RAB27B: variants seen among roughly 807,000 people sequenced by gnomAD.
RAB27B encodes the protein ras-related protein Rab-27B.
A neutral mutation model predicts 24.6 loss-of-function variants in RAB27B; 15 were observed. The ratio of observed to expected loss-of-function variants is 0.61; its 90% CI spans 0.41 to 0.94. RAB27B has a LOEUF of 0.94. RAB27B is among the 40% of genes least tolerant of loss of function. The pLI is 0.00. For missense variants in RAB27B, 261 were observed against 266.8 expected (o/e 0.98, Z 0.15); for synonymous variants, 105 against 92.5 (o/e 1.14, Z -0.78).
chr18:54,738,407 T>C (rs1909967448), intron 2 of RAB27B, among the ~76,000 whole-genome samples: 1 of 152,110 alleles, frequency 6.6e-6, no homozygotes, highest in African/African-American at 2.4e-5. Context: ...CCCATGCTGT[T>C]CTCGTGATAG....
chr18:54,754,019 C>T (rs1811371392), intron 2 of RAB27B, among the ~76,000 whole-genome samples: 1 of 152,052 alleles, frequency 6.6e-6, no homozygotes, highest in Non-Finnish European at 1.5e-5. Flanking sequence ...TGAATGTGTA[C>T]CCTTGTTTAA....
chr18:54,806,585 A>G (rs1909797725), intron 2 of RAB27B, among the ~76,000 whole-genome samples: 1 of 149,182 alleles, frequency 6.7e-6, no homozygotes, highest in African/African-American at 2.4e-5. Flanking sequence ...ATATAATCAC[A>G]TAAATATAAG....
At chr18:54,719,509 T>C (rs1279657701) in intron 2 of RAB27B, among the ~76,000 whole-genome samples, 1 of 152,072 alleles carries the variant, frequency 6.6e-6, no homozygotes, top group Non-Finnish European at 1.5e-5. Flanking sequence ...CTGTAGCAAA[T>C]GAAAATAAAT....
intron 2 of RAB27B, among the ~76,000 whole-genome samples, chr18:54,757,076 A>G (rs992793827): frequency 2.6e-5 from 4 of 152,310 alleles, no homozygotes; most frequent in African/African-American, 7.2e-5. Flanking sequence ...GTTGCTGGTC[A>G]ATGAGAGATG....
intron 2 of RAB27B, among the ~76,000 whole-genome samples, chr18:54,812,537 A>G (rs1398269250): frequency 7.0e-6 from 1 of 143,654 alleles, no homozygotes; most frequent in Non-Finnish European, 1.5e-5. Context: ...AAGTCTGACC[A>G]TGGAACTCCT....
intron 2 of RAB27B, among the ~76,000 whole-genome samples, chr18:54,738,240 T>C (rs80196414): frequency 0.012 from 1,769 of 152,274 alleles, 18 homozygotes; most frequent in Non-Finnish European, 0.018. Context: ...TAAGAATAAC[T>C]GGAAAAGAGG....
intron 3 of RAB27B, among the ~76,000 whole-genome samples, chr18:54,881,720 G>T (rs114403599): frequency 5.3e-5 from 8 of 152,136 alleles, no homozygotes; most frequent in Admixed American, 2.0e-4. Context: ...TTGTCTCCCC[G>T]TGGGGGAAAT....
intron 2 of RAB27B, among the ~76,000 whole-genome samples, chr18:54,745,854 A>AT (rs1910226727): frequency 6.8e-6 from 1 of 146,594 alleles, no homozygotes; most frequent in Admixed American, 6.8e-5. Context: ...TATTATTTAT[A>AT]ATATTTAATA....
intron 2 of RAB27B, among the ~76,000 whole-genome samples, chr18:54,759,539 G>A (rs571049607): frequency 1.2e-4 from 18 of 152,184 alleles, no homozygotes; most frequent in Non-Finnish European, 2.4e-4. Context: ...CTGTGATACC[G>A]ACAGAAGGCA....
chr18:54,802,728 G>A (rs1190568908), intron 2 of RAB27B, among the ~76,000 whole-genome samples: 1 of 152,186 alleles, frequency 6.6e-6, no homozygotes, highest in Non-Finnish European at 1.5e-5. Context: ...GAGAAGTCAG[G>A]AAAAATTTCC....
At position 54,893,246 on chromosome 18, in the gene RAB27B, G is replaced by T. The variant is rs866065150; in HGVS notation, c.*3833G>T. 1 of 151,884 alleles carries T rather than the reference G, an allele frequency of 6.6e-6. No individual in the cohort carries two copies. The highest frequency in any genetic ancestry group is 1.5e-5 in the Non-Finnish European group (1 of 67,910). The allele number at this position is 151,884 out of a possible 1,614,324, so 9.4% of individuals were successfully genotyped here. On this transcript the variant is annotated 3_prime_UTR_variant, in exon 6 of 6. Coordinates refer to ENST00000262094, the MANE Select transcript of RAB27B (RefSeq NM_004163.4). ...ACGTTTGAGGGAAAAATCCTCATTCGTAAAGGATTTTGGATGTATAATCTA... is the reference window on the plus strand; with the variant it reads ...ACGTTTGAGGGAAAAATCCTCATTCTTAAAGGATTTTGGATGTATAATCTA...
chr18:54,741,723 G>T (rs1910078383), intron 2 of RAB27B, among the ~76,000 whole-genome samples: 1 of 152,168 alleles, frequency 6.6e-6, no homozygotes, highest in Non-Finnish European at 1.5e-5. Flanking sequence ...AGCTGGTCTT[G>T]AACTCTGGGC....
intron 2 of RAB27B, among the ~76,000 whole-genome samples, chr18:54,736,299 A>G (rs1387870533): frequency 6.6e-6 from 1 of 152,200 alleles, no homozygotes; most frequent in Non-Finnish European, 1.5e-5. Context: ...ACCTAGTTTT[A>G]TAATAGCACC....
At chr18:54,736,908 A>T (rs1209644399) in intron 2 of RAB27B, among the ~76,000 whole-genome samples, 1 of 152,094 alleles carries the variant, frequency 6.6e-6, no homozygotes, top group African/African-American at 2.4e-5. Context: ...AGAAATGTAC[A>T]CTCACCCATG....
rs528634615 is a variant in RAB27B at position 54,728,050 on chromosome 18, G to A, written c.-20+9909G>A. Among the ~76,000 whole-genome samples the A allele has an allele frequency of 8.5e-5, 13 of 152,052 alleles. No individual in the cohort carries two copies. The East Asian group carries it at 2.5e-3, about 29-fold the overall frequency. On this transcript the variant is annotated intron_variant, in intron 2 of 4. Transcript: ENST00000586570. ...TAAGAATAAGAGGACTTACACGAAA[G>A]CCAGAAATAGAGGGGAGACTGAGCA...
At chr18:54,836,976 T>A (rs190538635) in intron 1 of RAB27B, among the ~76,000 whole-genome samples, 1 of 152,164 alleles carries the variant, frequency 6.6e-6, no homozygotes, top group African/African-American at 2.4e-5. Context: ...ATCTCTGGTA[T>A]AATTTTTGTC....
intron 2 of RAB27B, among the ~76,000 whole-genome samples, chr18:54,769,138 A>G (rs957728875): frequency 2.0e-5 from 3 of 152,180 alleles, no homozygotes; most frequent in African/African-American, 4.8e-5. Context: ...AGCCTTTATA[A>G]TCAAAGCAAG....
intron 2 of RAB27B, among the ~76,000 whole-genome samples, chr18:54,762,320 G>A (rs1908216405): frequency 1.3e-5 from 2 of 152,162 alleles, no homozygotes; most frequent in African/African-American, 4.8e-5. Flanking sequence ...CTCCTGAGTA[G>A]CTGGGATTAC....
intron 2 of RAB27B, among the ~76,000 whole-genome samples, chr18:54,756,766 TGACA>T (rs1019907731): frequency 2.6e-5 from 4 of 152,284 alleles, no homozygotes; most frequent in African/African-American, 7.2e-5. Flanking sequence ...AGCATGAAGG[TGACA>T]GATACAGGAA....
Sources: gnomAD v4.1 joint callset for allele counts (sites outside exome capture counted in the v4.1 genomes callset) on GRCh38, gnomAD v4.1.1 for gene constraint, MANE v1.5 for transcripts, NCBI Gene and HGNC (gene_info 2026-07-23, HGNC 2026-07-21) for gene names.